The following LYZL4 variants were observed in gnomAD, a reference collection of about 807,000 sequenced individuals.
The protein encoded by LYZL4 is lysozyme-like protein 4.
In LYZL4, 13 loss-of-function variants were observed where a neutral mutation model predicts 17.6. The observed-to-expected ratio is 0.74, with a 90% CI of 0.48 to 1.18. The LOEUF is 1.18. Among genes scored for constraint, LYZL4 ranks in the 50% most tolerant of loss-of-function variants. The probability of loss-of-function intolerance (pLI) is 0.00; values close to 1 mark genes in which losing one functional copy is unlikely to be tolerated. For synonymous variants in LYZL4, 64 were observed against 67.7 expected, an observed-to-expected ratio of 0.95 and a Z score of 0.27; for missense variants, 174 against 188.2, an observed-to-expected ratio of 0.92 and a Z score of 0.44.
chr3:42,370,575 G>T, the LYZL4 span, among the ~76,000 whole-genome samples: 1 of 152,170 alleles, frequency 6.6e-6, no homozygotes, highest in Non-Finnish European at 1.5e-5. Flanking sequence ...AATGTTTGTT[G>T]TTGTGAACCA....
the LYZL4 span, among the ~76,000 whole-genome samples, chr3:42,363,812 T>A: frequency 1.3e-5 from 2 of 152,232 alleles, no homozygotes; most frequent in Non-Finnish European, 2.9e-5. Flanking sequence ...ATCAGATGAA[T>A]GGTTGATGGG....
At chr3:42,378,043 T>C in the LYZL4 span, among the ~76,000 whole-genome samples, 1 of 152,172 alleles carries the variant, frequency 6.6e-6, no homozygotes, top group African/African-American at 2.4e-5. Flanking sequence ...GGTGGGTATG[T>C]TTTTTGTAGA....
chr3:42,400,172 C>CT (rs1301118887), intron 4 of LYZL4, among the ~76,000 whole-genome samples: 4 of 152,214 alleles, frequency 2.6e-5, no homozygotes, highest in Non-Finnish European at 5.9e-5. Context: ...TACGCTTCCA[C>CT]TAGTGAAATT....
At chr3:42,393,265 A>G (rs192246395), downstream of LYZL4, among the ~76,000 whole-genome samples, 256 of 152,182 alleles carry the variant, frequency 1.7e-3, no homozygotes, top group Non-Finnish European at 2.8e-3. Context: ...ATGAGATGCA[A>G]TCTTCTTACT....
chr3:42,388,538 G>C, the LYZL4 span, among the ~76,000 whole-genome samples: 1 of 152,110 alleles, frequency 6.6e-6, no homozygotes, highest in African/African-American at 2.4e-5. Context: ...ATGTGCAGAG[G>C]GCCCCTCAGA....
intron 4 of LYZL4, among the ~76,000 whole-genome samples, chr3:42,398,755 A>G (rs1698601165): frequency 1.3e-5 from 2 of 152,190 alleles, no homozygotes. Flanking sequence ...CACTGTTGTA[A>G]TACATGGCTT....
the LYZL4 span, among the ~76,000 whole-genome samples, chr3:42,387,709 C>T: frequency 2.0e-5 from 3 of 152,178 alleles, no homozygotes; most frequent in Admixed American, 6.5e-5. Flanking sequence ...GAACATGAAA[C>T]TTGCCTCACT....
the LYZL4 span, among the ~76,000 whole-genome samples, chr3:42,390,438 T>G: frequency 6.6e-6 from 1 of 152,216 alleles, no homozygotes; most frequent in Non-Finnish European, 1.5e-5. Context: ...CTGCCCAACC[T>G]ACCAATAGCA....
chr3:42,396,199 G>T (rs925159446), downstream of LYZL4, among the ~76,000 whole-genome samples: 2 of 152,240 alleles, frequency 1.3e-5, no homozygotes, highest in African/African-American at 4.8e-5. Context: ...TGAAGCACAT[G>T]TGACTGACAG....
chr3:42,375,671 A>G, the LYZL4 span, among the ~76,000 whole-genome samples: 7 of 152,292 alleles, frequency 4.6e-5, no homozygotes, highest in Admixed American at 1.3e-4. Context: ...CATAAGGAGA[A>G]CACATTCATG....
chr3:42,375,970 C>T, the LYZL4 span, among the ~76,000 whole-genome samples: 3 of 152,264 alleles, frequency 2.0e-5, no homozygotes, highest in African/African-American at 7.2e-5. Flanking sequence ...ATCGACAGCA[C>T]CTCACAGTGA....
At chr3:42,397,770 C>T (rs779397748) in intron 4 of LYZL4, among the ~76,000 whole-genome samples, 9 of 152,192 alleles carry the variant, frequency 5.9e-5, no homozygotes, top group Non-Finnish European at 1.2e-4. Context: ...GCCAGGGCCC[C>T]TTTCACCTTT....
chr3:42,373,696 C>G, the LYZL4 span, among the ~76,000 whole-genome samples: 31 of 152,176 alleles, frequency 2.0e-4, no homozygotes, highest in Non-Finnish European at 2.9e-4. Flanking sequence ...AATTAAGAAG[C>G]CCTGTGCATC....
the LYZL4 span, among the ~76,000 whole-genome samples, chr3:42,384,990 G>A: frequency 1.3e-5 from 2 of 152,298 alleles, no homozygotes; most frequent in Admixed American, 6.5e-5. Context: ...AGAGAAAAAT[G>A]AAGGAGTGTT....
At chr3:42,369,637 T>A in the LYZL4 span, among the ~76,000 whole-genome samples, 1 of 151,958 alleles carries the variant, frequency 6.6e-6, no homozygotes, top group Non-Finnish European at 1.5e-5. Context: ...AGACACAGAG[T>A]TGGGGAGGGC....
At chr3:42,376,993 T>C in the LYZL4 span, among the ~76,000 whole-genome samples, 1 of 152,228 alleles carries the variant, frequency 6.6e-6, no homozygotes, top group Admixed American at 6.5e-5. Flanking sequence ...TTGTCCTTGA[T>C]CTATAGAACA....
At chr3:42,390,126 T>C in the LYZL4 span, among the ~76,000 whole-genome samples, 1 of 152,188 alleles carries the variant, frequency 6.6e-6, no homozygotes, top group African/African-American at 2.4e-5. Context: ...TTTGGCTGGA[T>C]GGTCAGGGAT....
chr3:42,380,975 G>C, the LYZL4 span, among the ~76,000 whole-genome samples: 2 of 152,222 alleles, frequency 1.3e-5, no homozygotes, highest in African/African-American at 4.8e-5. Context: ...GGTTGGGTTT[G>C]CCTTCCTATG....
the LYZL4 span, among the ~76,000 whole-genome samples, chr3:42,388,314 G>A: frequency 1.3e-5 from 2 of 152,172 alleles, no homozygotes; most frequent in Non-Finnish European, 2.9e-5. Context: ...AAGCACGCCT[G>A]GATTTTATCC....
Sources: gnomAD v4.1 joint callset for allele counts (sites outside exome capture counted in the v4.1 genomes callset) on GRCh38, gnomAD v4.1.1 for gene constraint, MANE v1.5 for transcripts, NCBI Gene and HGNC (gene_info 2026-07-23, HGNC 2026-07-21) for gene names.